The following MS4A3 variants were observed in gnomAD, a reference collection of about 807,000 sequenced individuals.
MS4A3 encodes the protein membrane spanning 4-domains A3.
A neutral mutation model predicts 24.7 loss-of-function variants in MS4A3; 18 were observed. The ratio of observed to expected loss-of-function variants is 0.73; its 90% CI spans 0.50 to 1.08. MS4A3 has a LOEUF of 1.08. Among genes scored for constraint, MS4A3 ranks in the 50% least tolerant of loss-of-function variants. The pLI, the probability that MS4A3 is intolerant of heterozygous loss-of-function variation, is 0.00. For missense variants in MS4A3, 282 were observed against 251.7 expected (o/e 1.12, Z -0.82); for synonymous variants, 84 against 95.3 (o/e 0.88, Z 0.69).
In MS4A3 at chr11:60,067,024, A is replaced by G. The variant is rs754821430; in HGVS notation, c.425A>G (p.Asn142Ser). The G allele has an allele frequency of 2.5e-6, 4 of 1,613,332 alleles. No individual in the cohort carries two copies. The highest frequency in any genetic ancestry group is 3.4e-6 in the Non-Finnish European group (4 of 1,179,724). Residue 142 changes from asparagine to serine, a missense_variant, in exon 5 of 7, where the codon AAT becomes AGT. Physicochemically the swap from Asn to Ser is conservative, Grantham distance 46. Coordinates refer to ENST00000278865, the MANE Select transcript of MS4A3 (RefSeq NM_006138.5). ...ALVGTAFLSL[N>S]IAVNIQSLRS... ...GTGGGGACTGCTTTTCTCTCACTAA[A>G]TATAGCAGTTAATATCCAGTCATTA...
intron 2 of MS4A3, among the ~76,000 whole-genome samples, 169 bp from the exon 3 acceptor site, chr11:60,062,299 C>A (rs886144548): frequency 6.6e-6 from 1 of 152,078 alleles, no homozygotes; most frequent in Non-Finnish European, 1.5e-5. Flanking sequence ...GTGTGGATAG[C>A]GTGGAATAAA....
intron 4 of MS4A3, among the ~76,000 whole-genome samples, chr11:60,066,588 C>G (rs965920687): frequency 6.6e-6 from 1 of 152,206 alleles, no homozygotes; most frequent in Non-Finnish European, 1.5e-5. Flanking sequence ...CTGGCACCCA[C>G]AGCTCTTTCA....
chr11:60,065,321 G>C (rs1420575722), intron 4 of MS4A3, among the ~76,000 whole-genome samples: 1 of 151,732 alleles, frequency 6.6e-6, no homozygotes, highest in African/African-American at 2.4e-5. Flanking sequence ...CAAAAGGCTG[G>C]GGTTACAGGC....
At chr11:60,064,172 G>T in intron 3 of MS4A3, 90 bp from the exon 4 acceptor site, 2 of 880,802 alleles carry the variant, frequency 2.3e-6, no homozygotes. Context: ...TATGACTATT[G>T]CTGGATATCT....
intron 4 of MS4A3, 49 bp downstream of exon 4, chr11:60,064,367 T>C (rs745846718): frequency 1.8e-5 from 25 of 1,410,078 alleles, no homozygotes; most frequent in Non-Finnish European, 2.5e-5. Flanking sequence ...AGAAATATAT[T>C]ATTCATAAAC....
intron 1 of MS4A3, among the ~76,000 whole-genome samples, chr11:60,058,384 G>A (rs1486504450): frequency 2.0e-5 from 3 of 151,390 alleles, no homozygotes; most frequent in Non-Finnish European, 4.4e-5. Context: ...GTGCACGCCT[G>A]TAATCCCAGC....
At chr11:60,061,416 T>C in intron 2 of MS4A3, 100 bp downstream of exon 2, 1 of 1,394,650 alleles carries the variant, frequency 7.2e-7, no homozygotes, top group Non-Finnish European at 9.8e-7. Flanking sequence ...TTCCCTTACA[T>C]GTGGATTTCT....
chr11:60,064,278 C>A lies in MS4A3; in HGVS notation c.311C>A (p.Thr104Asn), dbSNP rs775092822. Residue 104 changes from threonine to asparagine, a missense_variant, in exon 4 of 7, where the codon ACC becomes AAC. Physicochemically the swap from Thr to Asn is moderately conservative, Grantham distance 65. Coordinates refer to ENST00000278865, the MANE Select transcript of MS4A3 (RefSeq NM_006138.5). ...WGAVFFCSSG[T>N]LSVVAGIKPT... ...TTCAAACAGTTCTGTAGTTCAGGAA[C>A]CTTGTCTGTTGTAGCAGGGATAAAA... The A allele has an allele frequency of 1.5e-5, 24 of 1,604,784 alleles. No individual in the cohort carries two copies. In the Admixed American group the frequency reaches 2.9e-4, roughly 19 times the overall value.
intron 6 of MS4A3, 100 bp from the exon 7 acceptor site, chr11:60,070,104 T>A (rs10897003): frequency 0.33 from 332,050 of 1,020,976 alleles, 58,711 homozygotes; most frequent in Admixed American, 0.52. Context: ...CATCAATGAA[T>A]GGATTTTATT....
intron 6 of MS4A3, 141 bp from the exon 7 acceptor site, chr11:60,070,063 A>G (rs1002431904): frequency 4.2e-6 from 3 of 720,922 alleles, no homozygotes; most frequent in Non-Finnish European, 7.4e-6. Flanking sequence ...AGTACTGTGT[A>G]TATAATCTTT....
intron 3 of MS4A3, 67 bp from the exon 4 acceptor site, chr11:60,064,188 TTGAGGGA>T: frequency 8.9e-7 from 1 of 1,126,806 alleles, no homozygotes; most frequent in Non-Finnish European, 1.3e-6. Context: ...TATCTGCTAA[TTGAGGGA>T]GGACCAAGAA....
Position 60,070,466 on chromosome 11 carries a change from G to T in MS4A3, c.*233G>T, listed in dbSNP as rs962870702. 1.1e-5 allele frequency: 5 copies of T among 449,738 alleles called. No individual in the cohort carries two copies. Among genetic ancestry groups the T allele is most frequent in the Non-Finnish European group, 2.0e-5 (5 of 255,192 alleles). 27.9% of individuals were successfully genotyped at this position (449,738 alleles called of 1,614,324 possible). A position where few individuals can be genotyped will look rare whatever the true frequency, so the allele number is the denominator to read the frequency against. ...TGGAAGGACAGATATATTTCTTTAG[G>T]CATTCTTGGATATCTGTAACTTCTA... On this transcript the variant is annotated 3_prime_UTR_variant, in exon 7 of 7. Transcript: ENST00000278865.
chr11:60,069,872 C>T (rs1855447562), intron 6 of MS4A3, among the ~76,000 whole-genome samples, 197 bp downstream of exon 6: 1 of 152,100 alleles, frequency 6.6e-6, no homozygotes, highest in Non-Finnish European at 1.5e-5. Context: ...AGAGGAAATA[C>T]TGTACTTGAT....
chr11:60,064,261 G>A lies in MS4A3; in HGVS notation c.295-1G>A. 6.2e-7 allele frequency: 1 copy of A among 1,605,110 alleles called. No individual in the cohort carries two copies. Among genetic ancestry groups the A allele is most frequent in the Non-Finnish European group, 8.5e-7 (1 of 1,175,776 alleles). On this transcript the variant is annotated splice_acceptor_variant, in intron 3 of 6. Coordinates refer to ENST00000278865, the MANE Select transcript of MS4A3 (RefSeq NM_006138.5). LOFTEE classifies it high-confidence loss of function. ...CTGTTTTCCTTCCTATTTTCAAACA[G>A]TTCTGTAGTTCAGGAACCTTGTCTG...
rs554954053 is a variant in MS4A3 at position 60,065,392 on chromosome 11, AAAAAC to A, written c.351+1097_351+1101del. Among the ~76,000 whole-genome samples the A allele has an allele frequency of 4.1e-4, 63 of 152,138 alleles. No homozygotes were observed. The South Asian group carries it at 5.0e-3, about 12-fold the overall frequency. On this transcript the variant is annotated intron_variant, in intron 4 of 6. Coordinates refer to ENST00000278865, the MANE Select transcript of MS4A3 (RefSeq NM_006138.5). ...AACATCCAGTTACTGTTCTCAACTTAAAAACAAAACAAAACAAAACAAAACAAGAA... is the reference window on the plus strand; with the variant it reads ...AACATCCAGTTACTGTTCTCAACTTAAAAACAAAACAAAACAAAACAAGAA...
chr11:60,061,004 C>G (rs1021915269), intron 1 of MS4A3, 142 bp from the exon 2 acceptor site: 7 of 643,660 alleles, frequency 1.1e-5, no homozygotes, highest in Non-Finnish European at 1.7e-5. Context: ...TGTACAAACT[C>G]TGTTACTCTG....
Position 60,061,322 on chromosome 11 carries a change from T to G in MS4A3, c.156+6T>G. On this transcript the variant is annotated splice_donor_region_variant and intron_variant, in intron 2 of 6. Transcript: ENST00000278865. Reference sequence around the variant, plus strand: ...CAAAATTACAAGTTCTTGGGGTAAGTCAGCCTTAGTTTAAACACTGATTTA... The same window carrying G: ...CAAAATTACAAGTTCTTGGGGTAAGGCAGCCTTAGTTTAAACACTGATTTA... 1 of 1,603,596 alleles carries G rather than the reference T, an allele frequency of 6.2e-7. No individual in the cohort carries two copies. Among genetic ancestry groups the G allele is most frequent in the Non-Finnish European group, 8.5e-7 (1 of 1,176,428 alleles).
chr11:60,066,849 G>C, intron 4 of MS4A3, 102 bp from the exon 5 acceptor site: 6 of 895,140 alleles, frequency 6.7e-6, no homozygotes, highest in Non-Finnish European at 9.7e-6. Flanking sequence ...ATATCAGTGG[G>C]TGTGTAAACA....
At chr11:60,060,788 A>G (rs1855259414) in intron 1 of MS4A3, 1 of 157,562 alleles carries the variant, frequency 6.3e-6, no homozygotes. Flanking sequence ...GACTAAAGCC[A>G]TTATTCTTAT....
Sources: allele counts gnomAD v4.1 joint callset (sites outside exome capture counted in the v4.1 genomes callset), GRCh38; gene constraint gnomAD v4.1.1; transcripts MANE v1.5; gene names NCBI Gene and HGNC (gene_info 2026-07-23, HGNC 2026-07-21).